COL6A6: variants seen among roughly 807,000 people sequenced by gnomAD.
COL6A6 encodes collagen alpha-6(VI) chain.
In COL6A6, 183 loss-of-function variants were observed where a neutral mutation model predicts 208.6. That is an observed-to-expected ratio of 0.88 (90% CI 0.78 to 0.99). The LOEUF is 0.99. COL6A6 is among the 50% of genes least tolerant of loss of function. The pLI, the probability that COL6A6 is intolerant of heterozygous loss-of-function variation, is 0.00. For synonymous variants in COL6A6, 973 were observed against 1,011.8 expected, an observed-to-expected ratio of 0.96 and a Z score of 0.73; for missense variants, 2,816 against 2,815.2, an observed-to-expected ratio of 1.00 and a Z score of -0.01.
chr3:130,591,202 C>A, intron 13 of COL6A6, 108 bp downstream of exon 13: 2 of 826,270 alleles, frequency 2.4e-6, no homozygotes, highest in South Asian at 1.5e-5. Flanking sequence ...TCTAAGGATT[C>A]GTGTACAGAA....
chr3:130,526,439 A>G (rs1230946504), intron 1 of COL6A6, among the ~76,000 whole-genome samples: 2 of 151,972 alleles, frequency 1.3e-5, no homozygotes, highest in Non-Finnish European at 2.9e-5. Flanking sequence ...GGTGTAAGGA[A>G]TTGGAATTTA....
chr3:130,568,388 A>G lies in COL6A6; in HGVS notation c.2185A>G (p.Ile729Val), dbSNP rs1158103368. Residue 729 changes from isoleucine to valine, a missense_variant, in exon 6 of 37, where the codon ATC (isoleucine) becomes GTC (valine). Ile to Val is a conservative substitution (Grantham distance 29, BLOSUM62 3). Coordinates refer to ENST00000358511, the MANE Select transcript of COL6A6 (RefSeq NM_001102608.3). ...RPNIRKFLIL[I>V]TDGEAQDIVK... is the part of the protein sequence containing the mutation. ...CAACATCAGAAAGTTTCTCATCCTC[A>G]TCACGGATGGTGAAGCTCAGGACAT... 1 of 1,613,974 alleles carries G rather than the reference A, an allele frequency of 6.2e-7. No homozygotes were observed. Among genetic ancestry groups the G allele is most frequent in the Non-Finnish European group, 8.5e-7 (1 of 1,179,890 alleles).
At chr3:130,525,067 C>T (rs1345676447) in intron 1 of COL6A6, among the ~76,000 whole-genome samples, 1 of 152,208 alleles carries the variant, frequency 6.6e-6, no homozygotes, top group African/African-American at 2.4e-5. Flanking sequence ...AACCCATTAT[C>T]CTGCTTTCAC....
intron 10 of COL6A6, among the ~76,000 whole-genome samples, chr3:130,583,716 C>T (rs2063474255): frequency 1.3e-5 from 2 of 152,160 alleles, no homozygotes; most frequent in Admixed American, 6.5e-5. Context: ...AGTTTCTTCA[C>T]CTGTCAGACT....
chr3:130,563,630 C>T lies in COL6A6; in HGVS notation c.627C>T (p.Tyr209=), dbSNP rs2062947732. Residue 209 remains tyrosine, a synonymous_variant, in exon 3 of 37, where the codon TAC becomes TAT. Coordinates refer to ENST00000358511, the MANE Select transcript of COL6A6 (RefSeq NM_001102608.3). ...ACATCATCAAGGATGTAATAAAGTA[C>T]AAGGAGGGAGCAGTTGATGACATCT... ...MTHIIKDVIK[Y]KEGAVDDIFV... 33 of 1,613,294 alleles carry T rather than the reference C, an allele frequency of 2.0e-5. No individual in the cohort carries two copies. The highest frequency in any genetic ancestry group is 2.8e-5 in the Non-Finnish European group (33 of 1,179,378).
intron 11 of COL6A6, among the ~76,000 whole-genome samples, chr3:130,587,347 G>C (rs1429581690): frequency 6.6e-6 from 1 of 152,160 alleles, no homozygotes; most frequent in Non-Finnish European, 1.5e-5. Flanking sequence ...TGCAATCTCT[G>C]CCTCCCGGGT....
intron 4 of COL6A6, among the ~76,000 whole-genome samples, 191 bp downstream of exon 4, chr3:130,565,805 A>G (rs1191827572): frequency 6.6e-6 from 1 of 152,138 alleles, no homozygotes; most frequent in African/African-American, 2.4e-5. Context: ...TGGCATGGGG[A>G]GAAGAGATTT....
rs1042425855 is a variant in COL6A6 at position 130,535,541 on chromosome 3, C to CTT, written c.-32+18154_-32+18155dup. ...ACCTTCTGCCTCCCTTTGAGTGATT[C>CTT]TTTTTTTTTTTCCATAGTTGTAATT... On this transcript the variant is annotated intron_variant, in intron 1 of 36. Coordinates refer to ENST00000358511, the MANE Select transcript of COL6A6 (RefSeq NM_001102608.3). 6.2e-5 allele frequency among the ~76,000 whole-genome samples: 9 copies of CTT among 145,884 alleles called. No individual in the cohort carries two copies. In the South Asian group the frequency reaches 2.0e-3, roughly 32 times the overall value.
intron 28 of COL6A6, among the ~76,000 whole-genome samples, chr3:130,641,122 G>A (rs1388952799): frequency 6.6e-6 from 1 of 151,716 alleles, no homozygotes; most frequent in Non-Finnish European, 1.5e-5. Flanking sequence ...TATGGAAGAA[G>A]CAGCTGTGAT....
At chr3:130,647,784 T>G (rs2065504933) in intron 32 of COL6A6, among the ~76,000 whole-genome samples, 1 of 152,232 alleles carries the variant, frequency 6.6e-6, no homozygotes, top group Admixed American at 6.5e-5. Flanking sequence ...TATCTCTGAA[T>G]CTGACTTGCT....
chr3:130,652,012 GTTTAAAT>G (rs1362691670), intron 33 of COL6A6, among the ~76,000 whole-genome samples: 1 of 152,090 alleles, frequency 6.6e-6, no homozygotes, highest in Non-Finnish European at 1.5e-5. Context: ...ACCAATGAAG[GTTTAAAT>G]TCTTCATAAT....
intron 1 of COL6A6, among the ~76,000 whole-genome samples, chr3:130,542,131 A>ATT (rs151311125): frequency 1.9e-4 from 23 of 119,742 alleles, no homozygotes; most frequent in African/African-American, 6.8e-4. Flanking sequence ...GGTTTTGTTG[A>ATT]TTTTTTTTTT....
chr3:130,594,963 C>T (rs926190565), intron 18 of COL6A6, among the ~76,000 whole-genome samples: 1 of 152,154 alleles, frequency 6.6e-6, no homozygotes, highest in African/African-American at 2.4e-5. Flanking sequence ...CAATTATTTC[C>T]ACCTGGCCCC....
At position 130,574,267 on chromosome 3, in the gene COL6A6, AG is replaced by A; in HGVS notation, c.3291del (p.Ile1098Ter). 1.9e-6 allele frequency: 3 copies of A among 1,614,012 alleles called. No homozygotes were observed. The highest frequency in any genetic ancestry group is 2.5e-6 in the Non-Finnish European group (3 of 1,179,898). On this transcript the variant is annotated frameshift_variant, in exon 8 of 37. Coordinates refer to ENST00000358511, the MANE Select transcript of COL6A6 (RefSeq NM_001102608.3). LOFTEE classifies it high-confidence loss of function. ...TTACTTCAGGCCAGACATGGGCAGC[AG>A]GATAAATACAGGTACCCCACAGGTG... ...EHYFRPDMGS[R>X]INTGTPQVLL...
At chr3:130,668,425 C>T (rs898128649) in intron 36 of COL6A6, among the ~76,000 whole-genome samples, 5 of 152,020 alleles carry the variant, frequency 3.3e-5, no homozygotes, top group Non-Finnish European at 5.9e-5. Flanking sequence ...TTGCAGTGAG[C>T]CAAGATCACA....
Position 130,574,525 on chromosome 3 carries a change from A to T in COL6A6, c.3547A>T (p.Asn1183Tyr). 1 of 1,611,982 alleles carries T rather than the reference A, an allele frequency of 6.2e-7. No individual in the cohort carries two copies. The highest frequency in any genetic ancestry group is 1.1e-5 in the South Asian group (1 of 91,020). Residue 1183 changes from asparagine (N) to tyrosine (Y), a missense_variant and splice_region_variant, in exon 8 of 37, where the codon AAC becomes TAC. Transcript: ENST00000358511. ...RNICTTAGESNCFVDVVVGFD... is the reference protein window; with the variant it reads ...RNICTTAGESYCFVDVVVGFD... ...CATCTGTACCACAGCGGGTGAAAGCAGTAAGTATTTAGCAAGTTCTTCATT... is the reference window on the plus strand; with the variant it reads ...CATCTGTACCACAGCGGGTGAAAGCTGTAAGTATTTAGCAAGTTCTTCATT...
chr3:130,538,715 A>T (rs1420949506), intron 1 of COL6A6, among the ~76,000 whole-genome samples: 1 of 152,216 alleles, frequency 6.6e-6, no homozygotes, highest in African/African-American at 2.4e-5. Context: ...TAGCCTACAC[A>T]GCCTTACAGG....
chr3:130,596,840 G>A (rs76333760), intron 18 of COL6A6, among the ~76,000 whole-genome samples: 4,870 of 152,166 alleles, frequency 0.032, 108 homozygotes, highest in South Asian at 0.056. Flanking sequence ...AAGAAATATT[G>A]GGGGAAAACA....
intron 1 of COL6A6, among the ~76,000 whole-genome samples, chr3:130,518,593 G>A (rs952981542): frequency 6.6e-6 from 1 of 152,120 alleles, no homozygotes; most frequent in Non-Finnish European, 1.5e-5. Flanking sequence ...CGCAACCTCC[G>A]CCTCCCGGGT....
Sources: gnomAD v4.1 joint callset for allele counts (sites outside exome capture counted in the v4.1 genomes callset) on GRCh38, gnomAD v4.1.1 for gene constraint, MANE v1.5 for transcripts, NCBI Gene and HGNC (gene_info 2026-07-23, HGNC 2026-07-21) for gene names.